NCKAP5: variants seen among roughly 807,000 people sequenced by gnomAD.
The protein encoded by NCKAP5 is NCK associated protein 5.
A neutral mutation model predicts 167.0 loss-of-function variants in NCKAP5; 92 were observed. The ratio of observed to expected loss-of-function variants is 0.55; its 90% CI spans 0.47 to 0.66. NCKAP5 has a LOEUF of 0.66. Among genes scored for constraint, NCKAP5 ranks in the 30% least tolerant of loss-of-function variants. NCKAP5 has a pLI of 0.00. For synonymous variants in NCKAP5, 891 were observed against 877.4 expected, an observed-to-expected ratio of 1.02 and a Z score of -0.27; for missense variants, 2,378 against 2,315.0, an observed-to-expected ratio of 1.03 and a Z score of -0.56.
At chr2:132,743,125 A>C (rs149969425) in intron 16 of NCKAP5, among the ~76,000 whole-genome samples, 1 of 152,022 alleles carries the variant, frequency 6.6e-6, no homozygotes, top group Admixed American at 6.6e-5. Flanking sequence ...AAAGATAAGC[A>C]CAGAATTTGA....
At chr2:132,868,738 A>C (rs1690560360) in intron 10 of NCKAP5, among the ~76,000 whole-genome samples, 198 bp downstream of exon 10, 1 of 152,246 alleles carries the variant, frequency 6.6e-6, no homozygotes, top group African/African-American at 2.4e-5. Context: ...TATTTTACCG[A>C]AAGTTTGGAT....
At chr2:133,088,713 A>G (rs2081076367) in intron 6 of NCKAP5, among the ~76,000 whole-genome samples, 1 of 152,230 alleles carries the variant, frequency 6.6e-6, no homozygotes, top group African/African-American at 2.4e-5. Context: ...CAAGAAAAAA[A>G]TCAATATGCT....
At chr2:133,335,919 T>G (rs1176960176) in intron 3 of NCKAP5, among the ~76,000 whole-genome samples, 1 of 152,204 alleles carries the variant, frequency 6.6e-6, no homozygotes, top group Non-Finnish European at 1.5e-5. Flanking sequence ...GCTTCCTATT[T>G]GACACTTTAT....
At chr2:132,901,102 C>A (rs1291975116) in intron 8 of NCKAP5, among the ~76,000 whole-genome samples, 1 of 151,720 alleles carries the variant, frequency 6.6e-6, no homozygotes, top group African/African-American at 2.4e-5. Flanking sequence ...CTACCCATTA[C>A]ACTGATTGTT....
At chr2:133,275,644 A>G (rs1053084448) in intron 4 of NCKAP5, among the ~76,000 whole-genome samples, 9 of 152,146 alleles carry the variant, frequency 5.9e-5, no homozygotes, top group Non-Finnish European at 2.9e-5. Flanking sequence ...CATTTACAGC[A>G]GTGGTTACAG....
intron 3 of NCKAP5, among the ~76,000 whole-genome samples, chr2:133,380,299 T>C (rs1574838269): frequency 1.3e-5 from 2 of 152,178 alleles, no homozygotes; most frequent in African/African-American, 4.8e-5. Context: ...CATTTCTGCA[T>C]TGTCTACATT....
the NCKAP5 span, among the ~76,000 whole-genome samples, chr2:133,584,691 G>A: frequency 1.3e-5 from 2 of 152,134 alleles, no homozygotes; most frequent in African/African-American, 4.8e-5. Context: ...TTGAACCCAA[G>A]AGGTGGAGGT....
chr2:132,678,663 A>G (rs1303225394), intron 19 of NCKAP5, among the ~76,000 whole-genome samples: 1 of 152,198 alleles, frequency 6.6e-6, no homozygotes, highest in East Asian at 1.9e-4. Context: ...CAGCAAGCCT[A>G]TGAGATAGCA....
At chr2:132,970,665 G>T (rs1052521191) in intron 7 of NCKAP5, among the ~76,000 whole-genome samples, 1 of 152,198 alleles carries the variant, frequency 6.6e-6, no homozygotes, top group African/African-American at 2.4e-5. Context: ...AATCCTTAGA[G>T]CTGTAAGTTT....
At chr2:132,950,541 T>C (rs2076152046) in intron 8 of NCKAP5, among the ~76,000 whole-genome samples, 1 of 152,164 alleles carries the variant, frequency 6.6e-6, no homozygotes, top group South Asian at 2.1e-4. Context: ...AGAATTTACA[T>C]TCATCTCAGG....
intron 3 of NCKAP5, among the ~76,000 whole-genome samples, chr2:133,499,450 C>A (rs908793722): frequency 6.6e-6 from 1 of 152,202 alleles, no homozygotes; most frequent in Non-Finnish European, 1.5e-5. Context: ...AAAACCAACA[C>A]CAGGTGGACA....
At chr2:133,555,364 C>T (rs1687667028) in intron 2 of NCKAP5, among the ~76,000 whole-genome samples, 1 of 152,168 alleles carries the variant, frequency 6.6e-6, no homozygotes, top group Admixed American at 6.5e-5. Flanking sequence ...TCTGGTCCAC[C>T]ACAATGTCCT....
intron 2 of NCKAP5, among the ~76,000 whole-genome samples, chr2:133,545,634 A>C (rs1269687264): frequency 1.3e-5 from 2 of 152,096 alleles, no homozygotes; most frequent in Non-Finnish European, 2.9e-5. Context: ...CTAACAATCT[A>C]CCTTGTTATA....
chr2:132,835,270 TTC>T (rs1171156960), intron 11 of NCKAP5, among the ~76,000 whole-genome samples: 5 of 152,152 alleles, frequency 3.3e-5, no homozygotes, highest in African/African-American at 4.8e-5. Flanking sequence ...TGGTCTATAG[TTC>T]TCTCTTTTTT....
intron 3 of NCKAP5, among the ~76,000 whole-genome samples, chr2:133,418,591 G>A (rs1043842041): frequency 2.0e-5 from 3 of 152,146 alleles, no homozygotes; most frequent in African/African-American, 4.8e-5. Flanking sequence ...AGATGGTATG[G>A]GGGCTGTTAT....
Position 132,785,179 on chromosome 2 carries a change from A to G in NCKAP5, c.1632T>C (p.Cys544=), listed in dbSNP as rs764550658. ...TTGGGCACAGCTTCATCTCTAAGGG[A>G]CAGCTGCTGGCGCAACTTGTCAGCT... is the stretch of plus-strand genomic sequence containing the variant. ...PEKLTSCASS[C]PLEMKLCPSV... Residue 544 remains cysteine (C), a synonymous_variant, in exon 14 of 20, where the codon TGT becomes TGC. Transcript: ENST00000409261. 2 of 1,587,942 alleles carry G rather than the reference A, an allele frequency of 1.3e-6. No homozygotes were observed. The highest frequency in any genetic ancestry group is 1.7e-6 in the Non-Finnish European group (2 of 1,168,834).
At chr2:133,614,991 T>C in the NCKAP5 span, among the ~76,000 whole-genome samples, 1 of 152,202 alleles carries the variant, frequency 6.6e-6, no homozygotes, top group Non-Finnish European at 1.5e-5. Context: ...TGGGGGCCAA[T>C]ATTCAACATT....
intron 6 of NCKAP5, among the ~76,000 whole-genome samples, chr2:133,095,794 T>C (rs1037358552): frequency 1.3e-5 from 2 of 152,234 alleles, no homozygotes; most frequent in Non-Finnish European, 2.9e-5. Flanking sequence ...TCCATTCTCC[T>C]ATTGATAAAC....
intron 19 of NCKAP5, among the ~76,000 whole-genome samples, chr2:132,698,902 C>T (rs868062925): frequency 6.6e-6 from 1 of 152,130 alleles, no homozygotes. Context: ...ATCCAGTGAA[C>T]CAGAAACTCT....
Sources: allele counts gnomAD v4.1 joint callset (sites outside exome capture counted in the v4.1 genomes callset), GRCh38; gene constraint gnomAD v4.1.1; transcripts MANE v1.5; gene names NCBI Gene and HGNC (gene_info 2026-07-23, HGNC 2026-07-21).